CAPN2: variants seen among roughly 807,000 people sequenced by gnomAD.
The protein encoded by CAPN2 is calpain 2.
Under a neutral mutation model 102.3 loss-of-function variants are expected in CAPN2, and 92 were observed. The observed-to-expected ratio is 0.90, with a 90% CI of 0.76 to 1.07. CAPN2 has a LOEUF of 1.07. Ranked by LOEUF, CAPN2 falls within the 50% of genes least tolerant of loss-of-function variation. The pLI, the probability that CAPN2 is intolerant of heterozygous loss-of-function variation, is 0.00. For missense variants in CAPN2, 800 were observed against 909.4 expected (o/e 0.88, Z 1.55); for synonymous variants, 340 against 355.4 (o/e 0.96, Z 0.49).
chr1:223,754,823 C>T lies in CAPN2; in HGVS notation c.1136-657C>T, dbSNP rs1006814376. On this transcript the variant is annotated intron_variant, in intron 9 of 20. Transcript: ENST00000295006. The surrounding 1 kb of genome is among the most constrained non-coding windows in gnomAD (Gnocchi z 4.7). ...TCCGGGCTCACCGAGGGGGCGGCGA[C>T]CGGCAAGTGCAGGGAGCAGATCCCG... Among the ~76,000 whole-genome samples the T allele has an allele frequency of 6.6e-6, 1 of 152,098 alleles. No homozygotes were observed. Among genetic ancestry groups the T allele is most frequent in the Non-Finnish European group, 1.5e-5 (1 of 68,000 alleles).
chr1:223,712,093 G>C (rs184081435), upstream of CAPN2, among the ~76,000 whole-genome samples: 1 of 152,190 alleles, frequency 6.6e-6, no homozygotes, highest in Non-Finnish European at 1.5e-5. Context: ...CAATATCAGC[G>C]CCTTCTTCAG....
At chr1:223,771,634 A>G (rs1661473078) in intron 18 of CAPN2, 175 bp from the exon 19 acceptor site, 5 of 609,892 alleles carry the variant, frequency 8.2e-6, no homozygotes, top group East Asian at 5.5e-5. Flanking sequence ...AAAACAAAAG[A>G]AACAGCAGAA....
chr1:223,749,808 A>T (rs151213736), intron 6 of CAPN2, among the ~76,000 whole-genome samples: 2 of 152,272 alleles, frequency 1.3e-5, no homozygotes, highest in African/African-American at 4.8e-5. Context: ...CGAGCCTAGG[A>T]GTTCAAGACC....
chr1:223,743,532 C>G (rs1317095079), intron 2 of CAPN2, among the ~76,000 whole-genome samples: 1 of 152,170 alleles, frequency 6.6e-6, no homozygotes, highest in East Asian at 1.9e-4. Flanking sequence ...CCCTCTGTTG[C>G]CCAGGCTGGA....
At chr1:223,758,117 T>C (rs1412991081) in intron 11 of CAPN2, 1 of 152,152 alleles carries the variant, frequency 6.6e-6, no homozygotes. Flanking sequence ...CCCTTCAGCC[T>C]CCCAAAGTGC....
intron 1 of CAPN2, among the ~76,000 whole-genome samples, chr1:223,715,693 A>G (rs918373345): frequency 1.3e-5 from 2 of 152,182 alleles, no homozygotes; most frequent in Non-Finnish European, 2.9e-5. Context: ...AGATCCTTCC[A>G]GCAACCAGTC....
Position 223,745,369 on chromosome 1 carries a change from G to C in CAPN2, c.490G>C (p.Glu164Gln), listed in dbSNP as rs141894173. The change falls in exon 4 of 21, where the codon GAG (glutamate) becomes CAG (glutamine). Residue 164 changes from glutamate (E) to glutamine (Q), a missense_variant. Glu to Gln is a conservative substitution (Grantham distance 29, BLOSUM62 2). Coordinates refer to ENST00000295006, the MANE Select transcript of CAPN2 (RefSeq NM_001748.5). ...VDDRLPTKDG[E>Q]LLFVHSAEGS... ...TGACAGGCTGCCCACCAAGGACGGG[G>C]AGCTGCTCTTTGTGCATTCAGCCGA... 4.3e-6 allele frequency: 7 copies of C among 1,614,188 alleles called. No homozygotes were observed. In the African/African-American group the frequency reaches 6.7e-5, roughly 15 times the overall value.
chr1:223,705,318 A>G (rs1659579123), intron 1 of CAPN2, among the ~76,000 whole-genome samples: 2 of 152,238 alleles, frequency 1.3e-5, no homozygotes, highest in Admixed American at 1.3e-4. Context: ...TGAACTGTAC[A>G]GGGGAAACTG....
chr1:223,711,040 T>C (rs1472753981), upstream of CAPN2, among the ~76,000 whole-genome samples: 1 of 152,166 alleles, frequency 6.6e-6, no homozygotes, highest in African/African-American at 2.4e-5. Flanking sequence ...TGTTTCAGAT[T>C]TTCTGGGTTC....
intron 1 of CAPN2, among the ~76,000 whole-genome samples, chr1:223,706,257 C>A (rs944100490): frequency 6.6e-6 from 1 of 152,176 alleles, no homozygotes; most frequent in Admixed American, 6.5e-5. Context: ...CCTTTCCATG[C>A]CTCTTCAGCT....
intron 16 of CAPN2, among the ~76,000 whole-genome samples, chr1:223,766,938 T>G (rs1431025715): frequency 2.0e-5 from 3 of 150,452 alleles, no homozygotes; most frequent in African/African-American, 7.3e-5. Context: ...CCAGCCTGGG[T>G]GACAGAGCGT....
At position 223,749,125 on chromosome 1, in the gene CAPN2, A is replaced by G. The variant is rs1179277816; in HGVS notation, c.813+3A>G. 3 of 1,613,656 alleles carry G rather than the reference A, an allele frequency of 1.9e-6. No homozygotes were observed. Among genetic ancestry groups the G allele is most frequent in the Non-Finnish European group, 1.7e-6 (2 of 1,179,606 alleles). ...ACTCGGTCACCGGAGCCGAGGAGGT[A>G]ACGGCCGGCGCGGATGTGCAGGGGT... On this transcript the variant is annotated splice_donor_region_variant and intron_variant, in intron 6 of 20. Coordinates refer to ENST00000295006, the MANE Select transcript of CAPN2 (RefSeq NM_001748.5).
Position 223,719,809 on chromosome 1 carries a change from T to C in CAPN2, c.307+1978T>C, listed in dbSNP as rs902326362. On this transcript the variant is annotated intron_variant, in intron 2 of 20. Transcript: ENST00000295006. ...GTAATTTCTCAGGGGTGTGTGCGTG[T>C]GTGTGTGTGTGTGTGTGTGTGTGCG... Among the ~76,000 whole-genome samples, 22 of 139,626 alleles carry C rather than the reference T, an allele frequency of 1.6e-4. No individual in the cohort carries two copies. The South Asian group carries it at 4.4e-3, about 28-fold the overall frequency. The allele number at this position is 139,626 out of a possible 152,430, so 91.6% of individuals were successfully genotyped here. A position where few individuals can be genotyped will look rare whatever the true frequency, so the allele number is the denominator to read the frequency against.
At chr1:223,702,047 G>GAGGA (rs1558374745) in intron 1 of CAPN2, among the ~76,000 whole-genome samples, 2 of 57,144 alleles carry the variant, frequency 3.5e-5, no homozygotes, top group Non-Finnish European at 3.3e-5. Flanking sequence ...GGGAGGGAGG[G>GAGGA]AAGAAGGAAG....
At chr1:223,749,310 C>T in intron 6 of CAPN2, 188 bp downstream of exon 6, 2 of 599,054 alleles carry the variant, frequency 3.3e-6, no homozygotes, top group Non-Finnish European at 3.0e-6. Context: ...CCGGGTGCGC[C>T]GCGCTGCCAC....
At chr1:223,758,987 A>C (rs1345640201) in intron 11 of CAPN2, 1 of 435,874 alleles carries the variant, frequency 2.3e-6, no homozygotes, top group Non-Finnish European at 4.3e-6. Flanking sequence ...CACCACACCT[A>C]ACAAAAGTTT....
chr1:223,730,458 T>A (rs1660311337), intron 2 of CAPN2, among the ~76,000 whole-genome samples: 1 of 152,116 alleles, frequency 6.6e-6, no homozygotes. Flanking sequence ...ACACCCCTGC[T>A]ATAGAATGTA....
At chr1:223,720,401 G>A (rs959387724) in intron 2 of CAPN2, among the ~76,000 whole-genome samples, 2 of 137,236 alleles carry the variant, frequency 1.5e-5, no homozygotes, top group African/African-American at 5.5e-5. Flanking sequence ...CTGCAGCCTT[G>A]GCCTCCTGGG....
At chr1:223,729,275 A>G (rs1660271989) in intron 2 of CAPN2, among the ~76,000 whole-genome samples, 1 of 152,238 alleles carries the variant, frequency 6.6e-6, no homozygotes, top group South Asian at 2.1e-4. Flanking sequence ...AATAAATTAC[A>G]TTGAGTTGTT....
Sources: allele counts gnomAD v4.1 joint callset (sites outside exome capture counted in the v4.1 genomes callset), GRCh38; gene constraint gnomAD v4.1.1; non-coding constraint Gnocchi (gnomAD v3.1); transcripts MANE v1.5; gene names NCBI Gene and HGNC (gene_info 2026-07-23, HGNC 2026-07-21).